Variants in LHFPL2 observed in about 807,000 individuals in gnomAD.
LHFPL2 encodes LHFPL tetraspan subfamily member 2 protein.
In LHFPL2, 7 loss-of-function variants were observed where a neutral mutation model predicts 17.5. The ratio of observed to expected loss-of-function variants is 0.40; its 90% CI spans 0.23 to 0.75. The LOEUF (loss-of-function observed/expected upper bound fraction) is 0.75. Among genes scored for constraint, LHFPL2 ranks in the 30% least tolerant of loss-of-function variants. The probability of loss-of-function intolerance (pLI) is 0.37; values close to 1 mark genes in which losing one functional copy is unlikely to be tolerated. For missense variants in LHFPL2, 241 were observed against 294.8 expected (o/e 0.82, Z 1.34); for synonymous variants, 134 against 116.2 (o/e 1.15, Z -0.99).
intron 2 of LHFPL2, among the ~76,000 whole-genome samples, chr5:78,621,705 A>G (rs1744862414): frequency 6.6e-6 from 1 of 152,256 alleles, no homozygotes; most frequent in African/African-American, 2.4e-5. Context: ...CATGGCAAGT[A>G]AAACCACAAT....
rs1222701403 is a variant in LHFPL2 at position 78,486,671 on chromosome 5, A to AATAAC, written c.*2221_*2225dup. ...TTTTGTCTTCTGTTGCATTCAGATT[A>AATAAC]ATAACATAAACACTATCGAGTGAGT... On this transcript the variant is annotated 3_prime_UTR_variant, in exon 5 of 5. Transcript: ENST00000380345. 14 of 152,212 alleles carry AATAAC rather than the reference A, an allele frequency of 9.2e-5. 1 individual carries two copies. Among genetic ancestry groups the AATAAC allele is most frequent in the African/African-American group, 3.4e-4 (14 of 41,422 alleles). 9.4% of individuals were successfully genotyped at this position (152,212 alleles called of 1,614,324 possible). A position where few individuals can be genotyped will look rare whatever the true frequency, so the allele number is the denominator to read the frequency against.
intron 3 of LHFPL2, among the ~76,000 whole-genome samples, chr5:78,512,426 G>A (rs1324937147): frequency 6.6e-6 from 1 of 150,824 alleles, no homozygotes; most frequent in Non-Finnish European, 1.5e-5. Context: ...CATTCAGCCA[G>A]AAGGTATATC....
At chr5:78,537,236 C>G (rs1214444418) in intron 3 of LHFPL2, among the ~76,000 whole-genome samples, 1 of 152,184 alleles carries the variant, frequency 6.6e-6, no homozygotes, top group East Asian at 1.9e-4. Context: ...AGGGGCCCAG[C>G]TGCCATAGCA....
chr5:78,566,887 C>T (rs1225660559), intron 2 of LHFPL2, among the ~76,000 whole-genome samples: 2 of 152,120 alleles, frequency 1.3e-5, no homozygotes, highest in Admixed American at 6.6e-5. Flanking sequence ...ATGGCTTCTG[C>T]GAAATATGCC....
chr5:78,560,850 C>T (rs1344030877), intron 3 of LHFPL2, among the ~76,000 whole-genome samples: 2 of 152,060 alleles, frequency 1.3e-5, no homozygotes, highest in African/African-American at 4.8e-5. Context: ...TAGTATTTTA[C>T]TTGATAAATT....
chr5:78,602,875 GGTTTT>G lies in LHFPL2; in HGVS notation c.-245+29384_-245+29388del, dbSNP rs58986689. ...CTTACTACCACCCACAATGAGGTAG[GGTTTT>G]GTTTTGTTTTGTTTTGTTTTGTTTT... On this transcript the variant is annotated intron_variant, in intron 2 of 4. Coordinates refer to ENST00000380345, the MANE Select transcript of LHFPL2 (RefSeq NM_005779.3). 8.7e-3 allele frequency among the ~76,000 whole-genome samples: 1,309 copies of G among 150,046 alleles called. 23 individuals are homozygous for G. The highest frequency in any genetic ancestry group is 0.03 in the African/African-American group (1,224 of 40,722).
At chr5:78,576,376 GTAAA>G (rs1757137399) in intron 2 of LHFPL2, among the ~76,000 whole-genome samples, 1 of 152,066 alleles carries the variant, frequency 6.6e-6, no homozygotes, top group African/African-American at 2.4e-5. Flanking sequence ...CCACGAAAAA[GTAAA>G]TAAATACGTA....
At chr5:78,636,529 AG>A (rs1335883670) in intron 1 of LHFPL2, among the ~76,000 whole-genome samples, 1 of 152,140 alleles carries the variant, frequency 6.6e-6, no homozygotes, top group Non-Finnish European at 1.5e-5. Context: ...CAATTGTGGA[AG>A]GGCAAACTCC....
At position 78,582,076 on chromosome 5, in the gene LHFPL2, G is replaced by A. The variant is rs371173554; in HGVS notation, c.-244-17205C>T. 1.6e-4 allele frequency among the ~76,000 whole-genome samples: 25 copies of A among 152,304 alleles called. No individual in the cohort carries two copies. The South Asian group carries it at 2.7e-3, about 16-fold the overall frequency. On this transcript the variant is annotated intron_variant, in intron 2 of 4. Coordinates refer to ENST00000380345, the MANE Select transcript of LHFPL2 (RefSeq NM_005779.3). ...CTTCTAGATTTTCTGGTTTATTTGCGTAGAGATGTTTGTAGTATTCTCTGA... is the reference window on the plus strand; with the variant it reads ...CTTCTAGATTTTCTGGTTTATTTGCATAGAGATGTTTGTAGTATTCTCTGA...
At chr5:78,513,646 T>C (rs1263135012) in intron 3 of LHFPL2, among the ~76,000 whole-genome samples, 1 of 152,140 alleles carries the variant, frequency 6.6e-6, no homozygotes, top group Non-Finnish European at 1.5e-5. Context: ...TGGAAGATAA[T>C]TGAATCATGG....
At chr5:78,579,492 C>A (rs189603154) in intron 2 of LHFPL2, among the ~76,000 whole-genome samples, 17 of 152,158 alleles carry the variant, frequency 1.1e-4, no homozygotes, top group Non-Finnish European at 1.3e-4. Context: ...ACCCTCCCCC[C>A]TTCCCCGACC....
chr5:78,543,008 A>G (rs1756159576), intron 3 of LHFPL2, among the ~76,000 whole-genome samples: 1 of 152,182 alleles, frequency 6.6e-6, no homozygotes, highest in South Asian at 2.1e-4. Flanking sequence ...CTGCAAGCAA[A>G]GACAGGCAAG....
chr5:78,503,829 ATTTAT>A (rs752355062), intron 4 of LHFPL2, among the ~76,000 whole-genome samples: 4 of 151,826 alleles, frequency 2.6e-5, no homozygotes, highest in Non-Finnish European at 4.4e-5. Flanking sequence ...TTTATATATT[ATTTAT>A]TTTATATTTC....
chr5:78,564,594 T>A (rs918825846), intron 3 of LHFPL2, among the ~76,000 whole-genome samples: 2 of 152,212 alleles, frequency 1.3e-5, no homozygotes, highest in African/African-American at 4.8e-5. Context: ...GTGGCAATTA[T>A]AGCATTAAAT....
Position 78,607,302 on chromosome 5 carries a change from G to A in LHFPL2, c.-245+24962C>T, listed in dbSNP as rs180907723. Among the ~76,000 whole-genome samples, 44 of 151,512 alleles carry A rather than the reference G, an allele frequency of 2.9e-4. No individual in the cohort carries two copies. In the East Asian group the frequency reaches 7.3e-3, roughly 25 times the overall value. ...TAATTTTTGTATTCTTAGTAGAGACGGGGTTTCACCATGTTGGCCAGGCTG... is the reference window on the plus strand; with the variant it reads ...TAATTTTTGTATTCTTAGTAGAGACAGGGTTTCACCATGTTGGCCAGGCTG... On this transcript the variant is annotated intron_variant, in intron 2 of 4. Coordinates refer to ENST00000380345, the MANE Select transcript of LHFPL2 (RefSeq NM_005779.3).
chr5:78,570,373 G>A (rs1224418984), intron 2 of LHFPL2, among the ~76,000 whole-genome samples: 2 of 152,080 alleles, frequency 1.3e-5, no homozygotes, highest in Middle Eastern at 3.2e-3. Context: ...AGGAGGAATC[G>A]CAGGCAGCAA....
chr5:78,494,053 TAAA>T (rs889222741), intron 4 of LHFPL2, among the ~76,000 whole-genome samples: 1 of 152,154 alleles, frequency 6.6e-6, no homozygotes, highest in Non-Finnish European at 1.5e-5. Context: ...TTGCAGCTAT[TAAA>T]AAAGCAGTTC....
Position 78,588,409 on chromosome 5 carries a change from ACACT to A in LHFPL2, c.-244-23542_-244-23539del, listed in dbSNP as rs538698766. Among the ~76,000 whole-genome samples the A allele has an allele frequency of 9.3e-4, 142 of 152,344 alleles. 1 individual carries two copies. The highest frequency in any genetic ancestry group is 1.9e-3 in the South Asian group (9 of 4,828). ...AACTCTTCTATCTTTCATTCTATAA[ACACT>A]CACAAGAGTCAAGTGGAAAAAGTTC... On this transcript the variant is annotated intron_variant, in intron 2 of 4. Transcript: ENST00000380345.
At chr5:78,552,461 G>T (rs1453918111) in intron 3 of LHFPL2, among the ~76,000 whole-genome samples, 2 of 152,204 alleles carry the variant, frequency 1.3e-5, no homozygotes, top group Non-Finnish European at 1.5e-5. Flanking sequence ...GCTAACCTTT[G>T]GGGGCCAAGG....
Sources: allele counts gnomAD v4.1 joint callset (sites outside exome capture counted in the v4.1 genomes callset), GRCh38; gene constraint gnomAD v4.1.1; transcripts MANE v1.5; gene names NCBI Gene and HGNC (gene_info 2026-07-23, HGNC 2026-07-21).